The following CCDC138 variants were observed in gnomAD, a reference collection of about 807,000 sequenced individuals.
CCDC138 encodes the protein coiled-coil domain containing 138, also known as coiled-coil domain-containing protein 138.
Under a neutral mutation model 82.3 loss-of-function variants are expected in CCDC138, and 66 were observed. The observed-to-expected ratio is 0.80, with a 90% CI of 0.66 to 0.98. The LOEUF is 0.98. Among genes scored for constraint, CCDC138 ranks in the 50% least tolerant of loss-of-function variants. The pLI, the probability that CCDC138 is intolerant of heterozygous loss-of-function variation, is 0.00. For missense variants in CCDC138, 816 were observed against 758.9 expected, an observed-to-expected ratio of 1.08 and a Z score of -0.88; for synonymous variants, 297 against 265.4, an observed-to-expected ratio of 1.12 and a Z score of -1.16.
rs574326096 is a variant in CCDC138, at chr2:108,787,034, C to G, written c.93+119C>G. 6.1e-5 allele frequency: 33 copies of G among 540,586 alleles called. No homozygotes were observed. The East Asian group carries it at 1.2e-3, about 19-fold the overall frequency. 33.5% of individuals were successfully genotyped at this position (540,586 alleles called of 1,614,324 possible). On this transcript the variant is annotated intron_variant, in intron 1 of 14. Transcript: ENST00000295124. ...GCTCTGGTCCCGGCCCCGGCACTCC[C>G]GCCGTGGCTGCGGCTTGGGCCTCGT...
intron 9 of CCDC138, 119 bp downstream of exon 9, chr2:108,813,046 G>A (rs1684158240): frequency 6.9e-6 from 5 of 723,652 alleles, no homozygotes; most frequent in Non-Finnish European, 6.8e-6. Context: ...TCAGGAGATC[G>A]AGACCATCCT....
intron 10 of CCDC138, among the ~76,000 whole-genome samples, chr2:108,830,769 T>A (rs1011067597): frequency 6.6e-6 from 1 of 151,860 alleles, no homozygotes; most frequent in East Asian, 1.9e-4. Flanking sequence ...GATCACGCCA[T>A]TGCACTCCAG....
At chr2:108,851,145 A>G (rs1180872398) in intron 12 of CCDC138, among the ~76,000 whole-genome samples, 2 of 152,196 alleles carry the variant, frequency 1.3e-5, no homozygotes, top group Admixed American at 1.3e-4. Context: ...GGATATTGCA[A>G]ATGATGTAGA....
chr2:108,818,973 G>A (rs1453306088), intron 10 of CCDC138, among the ~76,000 whole-genome samples: 1 of 152,140 alleles, frequency 6.6e-6, no homozygotes, highest in African/African-American at 2.4e-5. Context: ...CATAAGGGTG[G>A]AATATTATCA....
chr2:108,787,003 G>C (rs1430659804), intron 1 of CCDC138, 88 bp downstream of exon 1: 1 of 888,208 alleles, frequency 1.1e-6, no homozygotes, highest in Non-Finnish European at 1.5e-6. Context: ...CTGGGGGCGC[G>C]CAGCGGCTCT....
At chr2:108,842,943 G>A (rs1689761213) in intron 11 of CCDC138, among the ~76,000 whole-genome samples, 1 of 152,034 alleles carries the variant, frequency 6.6e-6, no homozygotes, top group Non-Finnish European at 1.5e-5. Flanking sequence ...AACCTTTTCT[G>A]TATACGCTTA....
rs114684366 is a variant in CCDC138, at chr2:108,806,655, G to A, written c.855+1647G>A. On this transcript the variant is annotated intron_variant, in intron 7 of 14. Coordinates refer to ENST00000295124, the MANE Select transcript of CCDC138 (RefSeq NM_144978.3). ...AACGAGCGTGGCTGTGTTCCAAAAC[G>A]ACTGTATTCATAAAAACAAGCAATG... Among the ~76,000 whole-genome samples, 488 of 152,266 alleles carry A rather than the reference G, an allele frequency of 3.2e-3. 2 individuals are homozygous for A. Among genetic ancestry groups the A allele is most frequent in the African/African-American group, 0.011 (446 of 41,548 alleles).
At chr2:108,873,135 A>G (rs1048836941) in intron 13 of CCDC138, among the ~76,000 whole-genome samples, 2 of 152,140 alleles carry the variant, frequency 1.3e-5, no homozygotes, top group Non-Finnish European at 2.9e-5. Context: ...TATAGTATTT[A>G]AACTGAACTT....
downstream of CCDC138, among the ~76,000 whole-genome samples, chr2:108,880,362 C>G (rs1347791738): frequency 6.6e-6 from 1 of 152,156 alleles, no homozygotes; most frequent in African/African-American, 2.4e-5. Flanking sequence ...TCTATAGATA[C>G]AATGGAAATC....
At chr2:108,795,127 C>T (rs938766335) in intron 5 of CCDC138, among the ~76,000 whole-genome samples, 31 of 136,558 alleles carry the variant, frequency 2.3e-4, no homozygotes, top group African/African-American at 7.7e-4. Flanking sequence ...ATCTGCCTTT[C>T]GGGTTTTTTG....
intron 12 of CCDC138, among the ~76,000 whole-genome samples, chr2:108,855,320 C>G (rs981351783): frequency 6.6e-6 from 1 of 151,946 alleles, no homozygotes; most frequent in Admixed American, 6.6e-5. Flanking sequence ...TAGTAGTCAG[C>G]CTATTTTTAA....
At chr2:108,798,662 G>A (rs571773523) in intron 6 of CCDC138, 76 bp downstream of exon 6, 8 of 1,166,012 alleles carry the variant, frequency 6.9e-6, no homozygotes, top group Non-Finnish European at 9.8e-6. Flanking sequence ...CTAACATTTT[G>A]TCACATTTGC....
rs71383805 is a variant in CCDC138 at position 108,843,844 on chromosome 2, T to TTGTGTGTGTGTG, written c.1324-2870_1324-2859dup. 3.3e-3 allele frequency among the ~76,000 whole-genome samples: 75 copies of TTGTGTGTGTGTG among 22,824 alleles called. 2 individuals carry two copies. Among genetic ancestry groups the TTGTGTGTGTGTG allele is most frequent in the South Asian group, 0.01 (6 of 598 alleles). 15.0% of individuals were successfully genotyped at this position (22,824 alleles called of 152,430 possible). A position where few individuals can be genotyped will look rare whatever the true frequency, so the allele number is the denominator to read the frequency against. ...GTCATTATTTCTTCAAGTTCATGTTTTGTGTGTGTGTGTGTGTGTGTGTGT... is the reference window on the plus strand; with the variant it reads ...GTCATTATTTCTTCAAGTTCATGTTTTGTGTGTGTGTGTGTGTGTGTGTGTGTGTGTGTGTGT... On this transcript the variant is annotated intron_variant, in intron 11 of 14. Coordinates refer to ENST00000295124, the MANE Select transcript of CCDC138 (RefSeq NM_144978.3).
chr2:108,885,405 T>TA (rs1182769578), exon 3 of CCDC138: 1 of 152,262 alleles, frequency 6.6e-6, no homozygotes, highest in African/African-American at 2.4e-5. Flanking sequence ...ACTTCTTTGA[T>TA]ACTGTGTTTG....
chr2:108,832,155 T>C (rs557663808), intron 10 of CCDC138, among the ~76,000 whole-genome samples: 36 of 151,308 alleles, frequency 2.4e-4, no homozygotes, highest in African/African-American at 8.3e-4. Flanking sequence ...TCAGCCTCCC[T>C]AGTAGCTGGG....
At chr2:108,812,105 C>T (rs189514756) in intron 7 of CCDC138, among the ~76,000 whole-genome samples, 149 of 152,072 alleles carry the variant, frequency 9.8e-4, no homozygotes, top group African/African-American at 3.4e-3. Context: ...TTGAAAACTA[C>T]AAAACATTAT....
intron 10 of CCDC138, among the ~76,000 whole-genome samples, chr2:108,819,675 G>T (rs1425290725): frequency 1.3e-5 from 2 of 152,178 alleles, no homozygotes; most frequent in African/African-American, 4.8e-5. Context: ...CTCTAACTGG[G>T]CTGATTCATG....
At chr2:108,788,234 C>G in intron 2 of CCDC138, 145 bp downstream of exon 2, 1 of 734,968 alleles carries the variant, frequency 1.4e-6, no homozygotes, top group Non-Finnish European at 2.1e-6. Context: ...CTCAGGCCAA[C>G]ATAGTGAAAT....
intron 12 of CCDC138, among the ~76,000 whole-genome samples, chr2:108,853,430 A>G (rs575112671): frequency 6.6e-6 from 1 of 152,300 alleles, no homozygotes; most frequent in South Asian, 2.1e-4. Flanking sequence ...TTTAATTAAT[A>G]AAACCTTCAA....
Sources: allele counts gnomAD v4.1 joint callset (sites outside exome capture counted in the v4.1 genomes callset), GRCh38; gene constraint gnomAD v4.1.1; transcripts MANE v1.5; gene names NCBI Gene and HGNC (gene_info 2026-07-23, HGNC 2026-07-21).